The following FBLN5 variants were observed in gnomAD, a reference collection of about 807,000 sequenced individuals.
FBLN5 encodes the protein fibulin-5.
In FBLN5, 24 loss-of-function variants were observed where a neutral mutation model predicts 61.6. The observed-to-expected ratio is 0.39, with a 90% CI of 0.28 to 0.55. The LOEUF (loss-of-function observed/expected upper bound fraction) is 0.55. Ranked by LOEUF, FBLN5 falls within the 20% of genes least tolerant of loss-of-function variation. The pLI is 0.65. For synonymous variants in FBLN5, 213 were observed against 219.8 expected, an observed-to-expected ratio of 0.97 and a Z score of 0.27; for missense variants, 470 against 594.1, an observed-to-expected ratio of 0.79 and a Z score of 2.17.
intron 9 of FBLN5, among the ~76,000 whole-genome samples, chr14:91,879,920 A>G (rs1889342147): frequency 6.6e-6 from 1 of 152,156 alleles, no homozygotes; most frequent in South Asian, 2.1e-4. Flanking sequence ...ATGTGTGAAC[A>G]TTTGGAATAT....
Position 91,947,481 on chromosome 14 carries a change from G to A in FBLN5, c.-252C>T, listed in dbSNP as rs1477054096. The A allele has an allele frequency of 1.7e-6, 1 of 603,808 alleles. No individual in the cohort carries two copies. The highest frequency in any genetic ancestry group is 2.8e-5 in the East Asian group (1 of 36,190). 37.4% of individuals were successfully genotyped at this position (603,808 alleles called of 1,614,324 possible). A position where few individuals can be genotyped will look rare whatever the true frequency, so the allele number is the denominator to read the frequency against. Reference sequence around the variant, plus strand: ...GTAATTCAGCATTAAACCAATTGGAGGAGGAATGTTAAAAATGAACACTTC... The same window carrying A: ...GTAATTCAGCATTAAACCAATTGGAAGAGGAATGTTAAAAATGAACACTTC... On this transcript the variant is annotated 5_prime_UTR_variant, in exon 1 of 11. Transcript: ENST00000342058. The surrounding 1 kb of genome is among the most constrained non-coding windows in gnomAD (Gnocchi z 4.3).
chr14:91,889,008 G>A (rs190507195), intron 6 of FBLN5, among the ~76,000 whole-genome samples: 6 of 152,330 alleles, frequency 3.9e-5, no homozygotes, highest in Non-Finnish European at 7.3e-5. Context: ...CAGACTGAGA[G>A]GCTTTTCTTA....
At position 91,887,453 on chromosome 14, in the gene FBLN5, T is replaced by A. The variant is rs1330061321; in HGVS notation, c.620-141A>T. ...TACCAAGGCTCTCCACCCAGGACCT[T>A]TGGGAGCATGATCTTAGATCCAAAA... On this transcript the variant is annotated intron_variant, in intron 6 of 10. Coordinates refer to ENST00000342058, the MANE Select transcript of FBLN5 (RefSeq NM_006329.4). The A allele has an allele frequency of 4.7e-6, 4 of 857,540 alleles. No individual in the cohort carries two copies. In the East Asian group the frequency reaches 9.9e-5, roughly 21 times the overall value. The allele number at this position is 857,540 out of a possible 1,614,324, so 53.1% of individuals were successfully genotyped here. A position where few individuals can be genotyped will look rare whatever the true frequency, so the allele number is the denominator to read the frequency against.
At chr14:91,942,850 T>G (rs1204520816) in intron 2 of FBLN5, 57 bp downstream of exon 2, 2 of 1,139,990 alleles carry the variant, frequency 1.8e-6, no homozygotes, top group African/African-American at 3.1e-5. Flanking sequence ...AAGGCTGGAC[T>G]CCCTCACCCC....
chr14:91,879,839 G>C (rs1889336776), intron 9 of FBLN5, among the ~76,000 whole-genome samples: 1 of 152,218 alleles, frequency 6.6e-6, no homozygotes, highest in Non-Finnish European at 1.5e-5. Flanking sequence ...TATTCCGAGA[G>C]GGCAGGATGG....
chr14:91,946,626 G>T, intron 1 of FBLN5: 1 of 1,057,582 alleles, frequency 9.5e-7, no homozygotes, highest in Non-Finnish European at 1.4e-6. Flanking sequence ...GACTGTGGGT[G>T]TCATTTAGGT....
intron 4 of FBLN5, among the ~76,000 whole-genome samples, chr14:91,909,995 C>T (rs370310128): frequency 1.6e-4 from 25 of 152,288 alleles, no homozygotes; most frequent in Non-Finnish European, 3.5e-4. Flanking sequence ...ACAAAATTAC[C>T]ACATGATCCA....
At chr14:91,941,243 T>C (rs913549105) in intron 2 of FBLN5, among the ~76,000 whole-genome samples, 1 of 152,166 alleles carries the variant, frequency 6.6e-6, no homozygotes, top group African/African-American at 2.4e-5. Flanking sequence ...CACAGAGATG[T>C]GGTCAGTTTT....
At chr14:91,930,774 A>G (rs1227663717) in intron 4 of FBLN5, among the ~76,000 whole-genome samples, 1 of 152,120 alleles carries the variant, frequency 6.6e-6, no homozygotes, top group Admixed American at 6.5e-5. Flanking sequence ...CTGTCTCACA[A>G]TTTAAATAAT....
intron 7 of FBLN5, among the ~76,000 whole-genome samples, chr14:91,883,897 G>A (rs1417534134): frequency 1.3e-5 from 2 of 152,198 alleles, no homozygotes; most frequent in African/African-American, 4.8e-5. Context: ...AGATGCAGAA[G>A]CAGACGTTCC....
intron 7 of FBLN5, among the ~76,000 whole-genome samples, chr14:91,883,918 A>G (rs951202310): frequency 1.2e-4 from 18 of 152,128 alleles, no homozygotes; most frequent in African/African-American, 4.1e-4. Flanking sequence ...AGAAAAGCCA[A>G]CTCTTCATCA....
chr14:91,875,618 G>A (rs915117607), intron 10 of FBLN5, among the ~76,000 whole-genome samples: 9 of 152,160 alleles, frequency 5.9e-5, no homozygotes, highest in Admixed American at 5.9e-4. Flanking sequence ...GGTTACAATG[G>A]CTACAATCGG....
intron 2 of FBLN5, among the ~76,000 whole-genome samples, chr14:91,940,844 C>CATGT (rs1455298140): frequency 6.6e-6 from 1 of 152,148 alleles, no homozygotes; most frequent in Non-Finnish European, 1.5e-5. Flanking sequence ...GTGGCTCATG[C>CATGT]ATGTAATCCC....
At chr14:91,905,723 G>C (rs961461966) in intron 4 of FBLN5, among the ~76,000 whole-genome samples, 4 of 151,736 alleles carry the variant, frequency 2.6e-5, no homozygotes, top group African/African-American at 9.7e-5. Context: ...GGAATTACAG[G>C]CACATGCCGC....
chr14:91,910,732 C>T (rs1438665916), intron 4 of FBLN5, among the ~76,000 whole-genome samples: 1 of 152,064 alleles, frequency 6.6e-6, no homozygotes, highest in Non-Finnish European at 1.5e-5. Flanking sequence ...AACCCCATCT[C>T]CACAGAGGAA....
chr14:91,916,229 T>C (rs899394454), intron 4 of FBLN5, among the ~76,000 whole-genome samples: 16 of 152,100 alleles, frequency 1.1e-4, no homozygotes, highest in African/African-American at 2.4e-5. Context: ...GTGGATCACT[T>C]GAGGCCAGGA....
In FBLN5 at chr14:91,947,472, C is replaced by A. The variant is rs2056203074; in HGVS notation, c.-243G>T. ...CCCTCTTCAGTAATTCAGCATTAAA[C>A]CAATTGGAGGAGGAATGTTAAAAAT... On this transcript the variant is annotated 5_prime_UTR_variant, in exon 1 of 11. Transcript: ENST00000342058. The surrounding 1 kb of genome is among the most constrained non-coding windows in gnomAD (Gnocchi z 4.3). The A allele has an allele frequency of 1.6e-6, 1 of 610,194 alleles. No homozygotes were observed. The highest frequency in any genetic ancestry group is 4.4e-4 in the Middle Eastern group (1 of 2,294). The allele number at this position is 610,194 out of a possible 1,614,324, so 37.8% of individuals were successfully genotyped here. A position where few individuals can be genotyped will look rare whatever the true frequency, so the allele number is the denominator to read the frequency against.
rs373510721 is a variant in FBLN5 at position 91,916,456 on chromosome 14, CA to C, written c.379+20490del. Among the ~76,000 whole-genome samples, 3 of 152,110 alleles carry C rather than the reference CA, an allele frequency of 2.0e-5. No homozygotes were observed. In the East Asian group the frequency reaches 5.8e-4, roughly 29 times the overall value. ...AGCGAGATTCTGTCTCAAAATCAAA[CA>C]AAAAAGAATTCAGGTGAGGGACTAG... On this transcript the variant is annotated intron_variant, in intron 4 of 10. Transcript: ENST00000342058.
At chr14:91,940,117 C>CT (rs1442325978) in intron 3 of FBLN5, among the ~76,000 whole-genome samples, 1 of 152,132 alleles carries the variant, frequency 6.6e-6, no homozygotes, top group Non-Finnish European at 1.5e-5. Flanking sequence ...GTCCTACAAC[C>CT]ACAAGAAACT....
Sources: gnomAD v4.1 joint callset for allele counts (sites outside exome capture counted in the v4.1 genomes callset) on GRCh38, gnomAD v4.1.1 for gene constraint, Gnocchi (gnomAD v3.1) non-coding constraint, MANE v1.5 for transcripts, NCBI Gene and HGNC (gene_info 2026-07-23, HGNC 2026-07-21) for gene names.